The following DMXL1 variants were observed in gnomAD, a reference collection of about 807,000 sequenced individuals.
DMXL1 encodes the protein Dmx like 1, also known as dmX-like protein 1.
A neutral mutation model predicts 319.2 loss-of-function variants in DMXL1; 99 were observed. The observed-to-expected ratio is 0.31, with a 90% CI of 0.26 to 0.37. DMXL1 has a LOEUF of 0.37. DMXL1 is among the 10% of genes least tolerant of loss of function. The pLI, the probability that DMXL1 is intolerant of heterozygous loss-of-function variation, is 1.00. For synonymous variants in DMXL1, 1,385 were observed against 1,235.2 expected (o/e 1.12, Z -2.54); for missense variants, 3,745 against 3,595.6 (o/e 1.04, Z -1.06).
intron 1 of DMXL1, among the ~76,000 whole-genome samples, chr5:119,086,901 T>G (rs531915111): frequency 6.6e-6 from 1 of 152,224 alleles, no homozygotes; most frequent in East Asian, 1.9e-4. Flanking sequence ...TTTGGTGAGG[T>G]TTTCTATTTC....
chr5:119,192,103 C>A (rs188916523), intron 29 of DMXL1, among the ~76,000 whole-genome samples: 1 of 152,194 alleles, frequency 6.6e-6, no homozygotes, highest in Non-Finnish European at 1.5e-5. Flanking sequence ...CTGCATCTCC[C>A]CTTCCATCCT....
Position 119,233,331 on chromosome 5 carries a change from G to A in DMXL1, c.8339-9G>A, listed in dbSNP as rs756252329. 13 of 1,608,132 alleles carry A rather than the reference G, an allele frequency of 8.1e-6. No individual in the cohort carries two copies. The highest frequency in any genetic ancestry group is 1.7e-4 in the Middle Eastern group (1 of 6,048). On this transcript the variant is annotated splice_polypyrimidine_tract_variant and intron_variant, in intron 38 of 43. Coordinates refer to ENST00000539542, the MANE Select transcript of DMXL1 (RefSeq NM_001290321.3). ...ATAAATCTGCAATTTTTGCCCTCTT[G>A]TAATGCAGATCTGACAGGAGCTCAA...
intron 9 of DMXL1, among the ~76,000 whole-genome samples, chr5:119,126,393 C>T (rs562737447): frequency 1.3e-5 from 2 of 152,320 alleles, no homozygotes; most frequent in African/African-American, 2.4e-5. Context: ...AATTTATCCT[C>T]ATTGAAAACC....
Position 119,167,749 on chromosome 5 carries a change from A to G in DMXL1, c.5283A>G (p.Ser1761=). ...GIDSPVSELC[S]LNINMHHDPF... ...ATTCTCCTGTCAGTGAACTGTGTTC[A>G]TTGAACATAAATATGCATCATGATC... Residue 1761 remains serine, a synonymous_variant, in exon 23 of 44, where the codon TCA becomes TCG. Transcript: ENST00000539542. 2 of 1,613,728 alleles carry G rather than the reference A, an allele frequency of 1.2e-6. No homozygotes were observed. Among genetic ancestry groups the G allele is most frequent in the Non-Finnish European group, 1.7e-6 (2 of 1,179,776 alleles).
intron 38 of DMXL1, among the ~76,000 whole-genome samples, chr5:119,228,183 AC>A (rs1282622815): frequency 6.6e-6 from 1 of 152,218 alleles, no homozygotes; most frequent in Non-Finnish European, 1.5e-5. Flanking sequence ...GGAAGTTCTT[AC>A]ACTGTCCAAT....
intron 38 of DMXL1, among the ~76,000 whole-genome samples, chr5:119,229,419 G>C (rs999521763): frequency 1.2e-4 from 18 of 152,068 alleles, no homozygotes; most frequent in Non-Finnish European, 2.6e-4. Context: ...CTGATATTAA[G>C]GCTCATCATT....
chr5:119,089,294 T>TATATATATA (rs150933906), intron 1 of DMXL1, among the ~76,000 whole-genome samples: 2 of 16,996 alleles, frequency 1.2e-4, no homozygotes, highest in East Asian at 6.0e-3. Flanking sequence ...ATATATATAT[T>TATATATATA]TTTTTTTTTT....
chr5:119,238,487 T>A (rs1370741039), intron 40 of DMXL1, among the ~76,000 whole-genome samples: 1 of 152,208 alleles, frequency 6.6e-6, no homozygotes. Flanking sequence ...TTTCATGTAC[T>A]TGAATTTTTA....
chr5:119,156,554 A>G (rs1229827410), intron 19 of DMXL1, among the ~76,000 whole-genome samples: 1 of 152,276 alleles, frequency 6.6e-6, no homozygotes. Flanking sequence ...TTCACTTAAC[A>G]TTGGAGTGCA....
chr5:119,110,130 G>A, intron 4 of DMXL1, 21 bp from the exon 5 acceptor site: 1 of 1,572,288 alleles, frequency 6.4e-7, no homozygotes, highest in Non-Finnish European at 8.6e-7. Context: ...AATAATAAAT[G>A]AGGAATAATA....
chr5:119,133,433 T>C (rs182942081), intron 11 of DMXL1, 48 bp downstream of exon 11: 1 of 1,584,880 alleles, frequency 6.3e-7, no homozygotes, highest in East Asian at 2.2e-5. Context: ...ATGTGGGTAC[T>C]ATTTTCTAAT....
chr5:119,144,746 T>C, intron 15 of DMXL1, 108 bp downstream of exon 15: 1 of 632,760 alleles, frequency 1.6e-6, no homozygotes, highest in Non-Finnish European at 2.6e-6. Context: ...AAGTAAAAAT[T>C]GGGGTAGGTT....
In DMXL1 at chr5:119,231,470, G is replaced by A. The variant is rs146250489; in HGVS notation, c.8339-1870G>A. On this transcript the variant is annotated intron_variant, in intron 38 of 43. Transcript: ENST00000539542. ...AAAAGTTGCAGGTTTCAGGTCAAGC[G>A]GTAACCTTCAAATGCACAGTGAGAA... 2.9e-3 allele frequency among the ~76,000 whole-genome samples: 436 copies of A among 152,204 alleles called. 4 individuals are homozygous for A. The highest frequency in any genetic ancestry group is 9.7e-3 in the African/African-American group (404 of 41,534).
intron 35 of DMXL1, among the ~76,000 whole-genome samples, chr5:119,218,917 T>G (rs1205276620): frequency 6.6e-6 from 1 of 152,182 alleles, no homozygotes; most frequent in East Asian, 1.9e-4. Flanking sequence ...GATTTTACCT[T>G]AAATTAAAAC....
In DMXL1 at chr5:119,150,458, AC is replaced by A; in HGVS notation, c.4594+38del. The A allele has an allele frequency of 2.6e-6, 4 of 1,539,564 alleles. No homozygotes were observed. The South Asian group carries it at 3.8e-5, about 15-fold the overall frequency. On this transcript the variant is annotated intron_variant, in intron 18 of 43. Transcript: ENST00000539542. ...CTCCGTACTGATAACATTTTTACTT[AC>A]TTTCACAGAAAATAATTTTAAATAA...
chr5:119,173,728 A>C (rs1211510284), intron 25 of DMXL1, among the ~76,000 whole-genome samples: 1 of 106,618 alleles, frequency 9.4e-6, no homozygotes, highest in African/African-American at 3.1e-5. Flanking sequence ...GTATATATAT[A>C]TATGTGTGTA....
chr5:119,165,178 T>C lies in DMXL1; in HGVS notation c.4873-5T>C. ...GAAATTTTGATCAATATTTTTTGATTATAGGTAGCTAAAGCAGCCTTTTAT... is the reference window on the plus strand; with the variant it reads ...GAAATTTTGATCAATATTTTTTGATCATAGGTAGCTAAAGCAGCCTTTTAT... On this transcript the variant is annotated splice_polypyrimidine_tract_variant and splice_region_variant and intron_variant, in intron 20 of 43. Coordinates refer to ENST00000539542, the MANE Select transcript of DMXL1 (RefSeq NM_001290321.3). 6.5e-7 allele frequency: 1 copy of C among 1,549,706 alleles called. No individual in the cohort carries two copies.
rs952616835 is a variant in DMXL1 at position 119,149,754 on chromosome 5, A to G, written c.3927A>G (p.Ser1309=). The change falls in exon 18 of 44, where the codon TCA becomes TCG. Residue 1309 remains serine, a synonymous_variant. Transcript: ENST00000539542. The part of the protein sequence containing the change: ...AFDPSVDMED[S]GLFEAAHVLS... The stretch of plus-strand genomic sequence containing the variant: ...ATCCTTCAGTGGATATGGAAGATTC[A>G]GGTCTTTTTGAAGCAGCTCATGTAC... The G allele has an allele frequency of 6.2e-7, 1 of 1,613,864 alleles. No individual in the cohort carries two copies. Among genetic ancestry groups the G allele is most frequent in the African/African-American group, 1.3e-5 (1 of 74,918 alleles).
intron 10 of DMXL1, among the ~76,000 whole-genome samples, chr5:119,130,180 A>C (rs1004768681): frequency 6.6e-6 from 1 of 152,150 alleles, no homozygotes; most frequent in African/African-American, 2.4e-5. Context: ...AAACAGGTAC[A>C]CAGATAGTTA....
Sources: allele counts gnomAD v4.1 joint callset (sites outside exome capture counted in the v4.1 genomes callset), GRCh38; gene constraint gnomAD v4.1.1; transcripts MANE v1.5; gene names NCBI Gene and HGNC (gene_info 2026-07-23, HGNC 2026-07-21).